The following CCDC14 variants were observed in gnomAD, a reference collection of about 807,000 sequenced individuals.
The protein encoded by CCDC14 is coiled-coil domain-containing protein 14.
A neutral mutation model predicts 81.4 loss-of-function variants in CCDC14; 71 were observed. That is an observed-to-expected ratio of 0.87 (90% CI 0.72 to 1.06). The LOEUF is 1.06. Among genes scored for constraint, CCDC14 ranks in the 50% least tolerant of loss-of-function variants. The pLI is 0.00. For synonymous variants in CCDC14, 332 were observed against 364.8 expected (o/e 0.91, Z 1.03); for missense variants, 1,046 against 1,047.3 (o/e 1.00, Z 0.02).
In CCDC14 at chr3:123,955,995, A is replaced by T. The variant is rs775508134; in HGVS notation, c.230-30T>A. On this transcript the variant is annotated intron_variant, in intron 4 of 12. Transcript: ENST00000409697. ...TAATAAAACAAAAATTTGTTACATC[A>T]AAATAATGACTTGAGATAAGGTGAT... 9.8e-6 allele frequency: 15 copies of T among 1,529,020 alleles called. No homozygotes were observed. In the South Asian group the frequency reaches 1.7e-4, roughly 17 times the overall value. 94.7% of individuals were successfully genotyped at this position (1,529,020 alleles called of 1,614,324 possible). A position where few individuals can be genotyped will look rare whatever the true frequency, so the allele number is the denominator to read the frequency against.
chr3:123,945,505 C>A (rs563219978), intron 8 of CCDC14, among the ~76,000 whole-genome samples: 7 of 152,164 alleles, frequency 4.6e-5, no homozygotes, highest in Admixed American at 4.6e-4. Flanking sequence ...AGATTGAACA[C>A]AAGCAGCCAC....
the CCDC14 span, among the ~76,000 whole-genome samples, chr3:123,888,388 C>A: frequency 6.6e-6 from 1 of 152,082 alleles, no homozygotes; most frequent in South Asian, 2.1e-4. Context: ...AAAGCTTTCC[C>A]GTTTGTTGTT....
chr3:123,921,245 G>A (rs970136405), intron 12 of CCDC14, among the ~76,000 whole-genome samples: 1 of 152,170 alleles, frequency 6.6e-6, no homozygotes, highest in African/African-American at 2.4e-5. Flanking sequence ...TCAAAAGACA[G>A]AGTGGGTGAA....
chr3:123,931,567 T>C, intron 10 of CCDC14, 41 bp from the exon 11 acceptor site: 1 of 1,070,536 alleles, frequency 9.3e-7, no homozygotes, highest in Non-Finnish European at 1.3e-6. Flanking sequence ...TTCCCAAACC[T>C]AAAAAGTACA....
intron 12 of CCDC14, among the ~76,000 whole-genome samples, chr3:123,926,334 G>A (rs943255154): frequency 8.6e-5 from 13 of 151,800 alleles, no homozygotes; most frequent in East Asian, 7.7e-4. Context: ...TGTGACAAGC[G>A]GATATATTGG....
chr3:123,958,021 T>A (rs1212125095), intron 1 of CCDC14: 4 of 152,126 alleles, frequency 2.6e-5, no homozygotes, highest in Non-Finnish European at 5.9e-5. Context: ...AGAATGTCAC[T>A]GAGAATACAT....
chr3:123,886,098 C>T, the CCDC14 span, among the ~76,000 whole-genome samples: 1 of 151,438 alleles, frequency 6.6e-6, no homozygotes, highest in African/African-American at 2.4e-5. Flanking sequence ...GTAGGAGCTT[C>T]TTCAATATGG....
chr3:123,909,919 C>T (rs548474822), downstream of CCDC14, among the ~76,000 whole-genome samples: 6 of 152,240 alleles, frequency 3.9e-5, no homozygotes, highest in South Asian at 4.2e-4. Flanking sequence ...GTTAGGTGTG[C>T]GGCCTTAAGC....
At chr3:123,913,399 T>C (rs2034492141), downstream of CCDC14, 1 of 983,804 alleles carries the variant, frequency 1.0e-6, no homozygotes, top group Non-Finnish European at 1.2e-6. Flanking sequence ...AGTTAAATAT[T>C]TGGGAGTAGA....
the CCDC14 span, among the ~76,000 whole-genome samples, chr3:123,890,173 A>G: frequency 6.6e-6 from 1 of 152,098 alleles, no homozygotes; most frequent in African/African-American, 2.4e-5. Flanking sequence ...TGACTCAATC[A>G]TCTCCCACCA....
downstream of CCDC14, among the ~76,000 whole-genome samples, chr3:123,912,029 G>A (rs1175444614): frequency 6.6e-6 from 1 of 152,068 alleles, no homozygotes; most frequent in Admixed American, 6.5e-5. Flanking sequence ...TCTACACTTG[G>A]TCCAATATCA....
intron 1 of CCDC14, 41 bp from the exon 2 acceptor site, chr3:123,956,836 CTAT>C: frequency 3.1e-6 from 4 of 1,305,602 alleles, no homozygotes; most frequent in Non-Finnish European, 2.1e-6. Flanking sequence ...AAATATTTTT[CTAT>C]TATATTTTCA....
chr3:123,950,438 T>C lies in CCDC14; in HGVS notation c.353-1306A>G, dbSNP rs905141286. On this transcript the variant is annotated intron_variant, in intron 5 of 12. Coordinates refer to ENST00000409697, the MANE Select transcript of CCDC14 (RefSeq NM_001366335.1). ...ACTGTGGTATACTCGCAGGCTGGAA[T>C]ACTATACAGCATTAAAAAACCAACA... Among the ~76,000 whole-genome samples the C allele has an allele frequency of 5.3e-5, 8 of 152,178 alleles. No individual in the cohort carries two copies. In the East Asian group the frequency reaches 1.3e-3, roughly 26 times the overall value.
chr3:123,959,641 T>A (rs753196151), intron 1 of CCDC14, among the ~76,000 whole-genome samples: 2 of 152,188 alleles, frequency 1.3e-5, no homozygotes, highest in East Asian at 3.8e-4. Flanking sequence ...GATGTGTCCA[T>A]GCTCTTCTTA....
chr3:123,956,177 T>C (rs2037318829), intron 3 of CCDC14, 62 bp from the exon 4 acceptor site: 3 of 1,413,094 alleles, frequency 2.1e-6, no homozygotes, highest in Non-Finnish European at 1.9e-6. Context: ...GGAAAAAATA[T>C]AAATTATGTA....
downstream of CCDC14, among the ~76,000 whole-genome samples, chr3:123,911,380 TA>T (rs761979373): frequency 6.6e-6 from 1 of 152,154 alleles, no homozygotes; most frequent in Non-Finnish European, 1.5e-5. Flanking sequence ...CCCACATGTT[TA>T]AGCAATTCGG....
chr3:123,913,766 A>G lies in CCDC14; in HGVS notation c.*1013T>C. 1 of 985,162 alleles carries G rather than the reference A, an allele frequency of 1.0e-6. No homozygotes were observed. Among genetic ancestry groups the G allele is most frequent in the Non-Finnish European group, 1.2e-6 (1 of 829,864 alleles). 61.0% of individuals were successfully genotyped at this position (985,162 alleles called of 1,614,324 possible). ...TAATGATAAAGCCTGTCCAAGTACT[A>G]AGGACAATTAGAGTAGGCAGGTGAC... On this transcript the variant is annotated 3_prime_UTR_variant, in exon 13 of 13. Transcript: ENST00000409697.
rs3221487 is a variant in CCDC14, at chr3:123,916,468, T to G, written c.1779-750A>C. On this transcript the variant is annotated intron_variant, in intron 12 of 12. Coordinates refer to ENST00000409697, the MANE Select transcript of CCDC14 (RefSeq NM_001366335.1). ...TTATTTCCCTTCATTATATATGTGT[T>G]TGTGTGTGTGTGTGTGTGTGTGTGT... 7.0e-3 allele frequency among the ~76,000 whole-genome samples: 1,028 copies of G among 146,182 alleles called. 11 individuals are homozygous for G. Among genetic ancestry groups the G allele is most frequent in the East Asian group, 0.04 (200 of 4,990 alleles).
chr3:123,933,361 A>G (rs968013170), intron 10 of CCDC14, among the ~76,000 whole-genome samples: 2 of 152,222 alleles, frequency 1.3e-5, no homozygotes. Flanking sequence ...AAGTATGTAC[A>G]GTGTGATCTC....
Sources: gnomAD v4.1 joint callset for allele counts (sites outside exome capture counted in the v4.1 genomes callset) on GRCh38, gnomAD v4.1.1 for gene constraint, MANE v1.5 for transcripts, NCBI Gene and HGNC (gene_info 2026-07-23, HGNC 2026-07-21) for gene names.